Variants in LYPLAL1 observed in about 807,000 individuals in gnomAD.
The protein encoded by LYPLAL1 is lysophospholipase like 1.
Under a neutral mutation model 19.7 loss-of-function variants are expected in LYPLAL1, and 23 were observed. The ratio of observed to expected loss-of-function variants is 1.17; its 90% confidence interval spans 0.84 to 1.65. The LOEUF is 1.65. Among genes scored for constraint, LYPLAL1 ranks in the 40% most tolerant of loss-of-function variants. The pLI is 0.00. For synonymous variants in LYPLAL1, 119 were observed against 96.3 expected (o/e 1.24, Z -1.38); for missense variants, 355 against 279.4 (o/e 1.27, Z -1.93).
the LYPLAL1 span, among the ~76,000 whole-genome samples, chr1:219,287,982 T>C: frequency 8.5e-5 from 13 of 152,348 alleles, no homozygotes; most frequent in Non-Finnish European, 1.3e-4. Context: ...CTCCCAGCCA[T>C]GCTTCTTGTA....
At chr1:219,362,323 G>A in the LYPLAL1 span, among the ~76,000 whole-genome samples, 2 of 151,998 alleles carry the variant, frequency 1.3e-5, no homozygotes, top group East Asian at 1.9e-4. Context: ...TTGAAGACCC[G>A]TTTGCTCCTT....
the LYPLAL1 span, among the ~76,000 whole-genome samples, chr1:219,372,746 C>CA: frequency 2.6e-5 from 4 of 151,582 alleles, no homozygotes; most frequent in South Asian, 2.1e-4. Flanking sequence ...CAAAAAAATA[C>CA]AAAAAAAATT....
the LYPLAL1 span, among the ~76,000 whole-genome samples, chr1:219,280,383 A>G: frequency 6.6e-6 from 1 of 152,294 alleles, no homozygotes; most frequent in African/African-American, 2.4e-5. Flanking sequence ...TCTTTATGAC[A>G]CCTCATTTAG....
At chr1:219,438,576 C>T in the LYPLAL1 span, among the ~76,000 whole-genome samples, 3 of 152,176 alleles carry the variant, frequency 2.0e-5, no homozygotes, top group African/African-American at 7.2e-5. Context: ...GCCAGGTTAT[C>T]GTCAGCACCT....
chr1:219,173,930 G>T lies in LYPLAL1; in HGVS notation c.40G>T (p.Val14Leu). The change falls in exon 1 of 5, where the codon GTG becomes TTG. Residue 14 changes from valine (V) to leucine (L), a missense_variant. By Grantham distance (32) the Val-to-Leu change is conservative. Transcript: ENST00000366928. ...ASGSVLQRCI[V>L]SPAGRHSASL... The stretch of plus-strand genomic sequence containing the variant: ...GGGGTCGGTTCTGCAGCGCTGTATC[G>T]TGTCGCCGGCAGGGAGGCATAGCGC... The T allele has an allele frequency of 1.9e-6, 3 of 1,613,902 alleles. No homozygotes were observed. The highest frequency in any genetic ancestry group is 2.5e-6 in the Non-Finnish European group (3 of 1,179,976).
the LYPLAL1 span, among the ~76,000 whole-genome samples, chr1:219,258,629 C>A: frequency 2.6e-5 from 4 of 151,974 alleles, no homozygotes; most frequent in African/African-American, 9.7e-5. Context: ...TACATTATGT[C>A]ATTACTAATA....
the LYPLAL1 span, among the ~76,000 whole-genome samples, chr1:219,338,606 T>C: frequency 6.6e-6 from 1 of 151,394 alleles, no homozygotes; most frequent in Non-Finnish European, 1.5e-5. Flanking sequence ...ACCTGGCACA[T>C]GGTACAAAAA....
chr1:219,394,198 C>T, the LYPLAL1 span, among the ~76,000 whole-genome samples: 1 of 151,920 alleles, frequency 6.6e-6, no homozygotes, highest in Admixed American at 6.6e-5. Flanking sequence ...ATAATTTTGT[C>T]TAGATAAAAG....
At chr1:219,440,000 T>TATATATATACATATATATATACACATAC in the LYPLAL1 span, among the ~76,000 whole-genome samples, 4 of 103,422 alleles carry the variant, frequency 3.9e-5, no homozygotes, top group African/African-American at 1.5e-4. Flanking sequence ...TACACACATA[T>TATATATATACATATATATATACACATAC]ATATATATAT....
intron 2 of LYPLAL1, among the ~76,000 whole-genome samples, chr1:219,180,522 G>A (rs1349693257): frequency 6.6e-6 from 1 of 152,066 alleles, no homozygotes; most frequent in Non-Finnish European, 1.5e-5. Context: ...TTAAAAGTTT[G>A]GTAATCTAGT....
At chr1:219,347,602 T>C in the LYPLAL1 span, among the ~76,000 whole-genome samples, 1 of 152,162 alleles carries the variant, frequency 6.6e-6, no homozygotes, top group Non-Finnish European at 1.5e-5. Flanking sequence ...AAAGGAAAAA[T>C]AGCATGTAGC....
At chr1:219,223,948 A>G in the LYPLAL1 span, among the ~76,000 whole-genome samples, 1 of 151,776 alleles carries the variant, frequency 6.6e-6, no homozygotes, top group Non-Finnish European at 1.5e-5. Context: ...CTCTGTTTCC[A>G]TTTTTTGTCT....
the LYPLAL1 span, among the ~76,000 whole-genome samples, chr1:219,322,225 A>G: frequency 1.3e-5 from 2 of 152,314 alleles, no homozygotes; most frequent in Admixed American, 6.5e-5. Context: ...CAACCTGCCT[A>G]TAATATACTT....
At chr1:219,232,141 AG>A in the LYPLAL1 span, among the ~76,000 whole-genome samples, 1 of 152,184 alleles carries the variant, frequency 6.6e-6, no homozygotes, top group African/African-American at 2.4e-5. Flanking sequence ...TGTTTTGGAA[AG>A]GGTATTTTTT....
the LYPLAL1 span, among the ~76,000 whole-genome samples, chr1:219,350,729 C>T: frequency 1.3e-5 from 2 of 152,184 alleles, no homozygotes; most frequent in Admixed American, 1.3e-4. Context: ...AAATGCTTTT[C>T]TAAGTAGCAT....
chr1:219,187,064 C>G (rs1399551786), intron 2 of LYPLAL1, among the ~76,000 whole-genome samples: 1 of 150,778 alleles, frequency 6.6e-6, no homozygotes, highest in African/African-American at 2.4e-5. Flanking sequence ...CTATATAGGT[C>G]CCTTTATCCC....
At chr1:219,258,381 T>C in the LYPLAL1 span, among the ~76,000 whole-genome samples, 2 of 152,054 alleles carry the variant, frequency 1.3e-5, no homozygotes, top group South Asian at 2.1e-4. Flanking sequence ...AGGGAAGTGA[T>C]AAATGTCCAT....
At chr1:219,314,498 G>A in the LYPLAL1 span, among the ~76,000 whole-genome samples, 6 of 152,164 alleles carry the variant, frequency 3.9e-5, no homozygotes, top group South Asian at 1.2e-3. Flanking sequence ...AGGCTGGAGT[G>A]CAGTGGCGCA....
the LYPLAL1 span, among the ~76,000 whole-genome samples, chr1:219,337,429 G>T: frequency 1.3e-5 from 2 of 151,984 alleles, no homozygotes; most frequent in Admixed American, 6.6e-5. Flanking sequence ...AACACATAGT[G>T]TAACCCATAA....
Sources: gnomAD v4.1 joint callset for allele counts (sites outside exome capture counted in the v4.1 genomes callset) on GRCh38, gnomAD v4.1.1 for gene constraint, MANE v1.5 for transcripts, NCBI Gene and HGNC (gene_info 2026-07-23, HGNC 2026-07-21) for gene names.